Variants in KIF16B observed in about 807,000 individuals in gnomAD.
KIF16B encodes the protein kinesin-like protein KIF16B.
Under a neutral mutation model 156.3 loss-of-function variants are expected in KIF16B, and 98 were observed. That is an observed-to-expected ratio of 0.63 (90% CI 0.53 to 0.74). The LOEUF (loss-of-function observed/expected upper bound fraction) is 0.74. Ranked by LOEUF, KIF16B falls within the 30% of genes least tolerant of loss-of-function variation. The pLI, the probability that KIF16B is intolerant of heterozygous loss-of-function variation, is 0.00. For missense variants in KIF16B, 1,421 were observed against 1,606.5 expected, an observed-to-expected ratio of 0.88 and a Z score of 1.97; for synonymous variants, 564 against 583.7, an observed-to-expected ratio of 0.97 and a Z score of 0.49.
chr20:16,507,835 ATGACAGTCAGTCAC>A, intron 7 of KIF16B, 109 bp downstream of exon 7: 1 of 999,118 alleles, frequency 1.0e-6, no homozygotes, highest in Non-Finnish European at 1.5e-6. Context: ...TAACAAGAAA[ATGACAGTCAGTCAC>A]CTTTACCTGC....
At chr20:16,557,201 G>T (rs529431734) in intron 1 of KIF16B, among the ~76,000 whole-genome samples, 26 of 150,794 alleles carry the variant, frequency 1.7e-4, no homozygotes, top group African/African-American at 6.3e-4. Flanking sequence ...TGTTTTTTGA[G>T]ATGGAGTCTC....
Position 16,497,554 on chromosome 20 carries a change from T to A in KIF16B, c.1242+59A>T. 3 of 1,326,956 alleles carry A rather than the reference T, an allele frequency of 2.3e-6. No homozygotes were observed. In the South Asian group the frequency reaches 3.6e-5, roughly 16 times the overall value. The allele number at this position is 1,326,956 out of a possible 1,614,324, so 82.2% of individuals were successfully genotyped here. ...TCAAACGGCAAGTCCTAAAAAAGCA[T>A]GCACTTAAAATAATAGTAAAAGTTA... On this transcript the variant is annotated intron_variant, in intron 11 of 25. Coordinates refer to ENST00000354981, the MANE Select transcript of KIF16B (RefSeq NM_024704.5).
At chr20:16,331,995 A>G (rs1437134151) in intron 24 of KIF16B, among the ~76,000 whole-genome samples, 2 of 152,248 alleles carry the variant, frequency 1.3e-5, no homozygotes, top group East Asian at 1.9e-4. Context: ...AGAACTTTAC[A>G]GGAAAAGAGA....
intron 17 of KIF16B, among the ~76,000 whole-genome samples, chr20:16,387,803 G>A (rs913074728): frequency 3.9e-5 from 6 of 152,182 alleles, no homozygotes; most frequent in African/African-American, 1.4e-4. Flanking sequence ...GAGGATCTAA[G>A]AGTCTCTGGA....
intron 12 of KIF16B, among the ~76,000 whole-genome samples, chr20:16,446,346 G>A (rs530448326): frequency 3.9e-5 from 6 of 152,282 alleles, no homozygotes; most frequent in South Asian, 4.2e-4. Flanking sequence ...ACACCAGATC[G>A]GGGTTAGTTT....
At chr20:16,366,533 A>G (rs183861825) in intron 22 of KIF16B, among the ~76,000 whole-genome samples, 1 of 152,300 alleles carries the variant, frequency 6.6e-6, no homozygotes, top group Non-Finnish European at 1.5e-5. Context: ...GGAATCATCA[A>G]GAAGTATGAA....
chr20:16,501,047 G>A (rs2146975812), intron 10 of KIF16B, among the ~76,000 whole-genome samples: 1 of 152,136 alleles, frequency 6.6e-6, no homozygotes, highest in South Asian at 2.1e-4. Context: ...TATAATAAAA[G>A]AGAATAAAAC....
intron 12 of KIF16B, among the ~76,000 whole-genome samples, chr20:16,475,624 C>T (rs2067788789): frequency 6.6e-6 from 1 of 152,126 alleles, no homozygotes; most frequent in Admixed American, 6.5e-5. Flanking sequence ...CGAAGGATGA[C>T]AGAAATAATT....
intron 12 of KIF16B, among the ~76,000 whole-genome samples, chr20:16,465,166 A>T (rs2067455569): frequency 6.6e-6 from 1 of 152,230 alleles, no homozygotes; most frequent in South Asian, 2.1e-4. Context: ...TCCTAGAAGA[A>T]AGAGAGGCTT....
At chr20:16,363,468 C>T (rs2064591970) in intron 22 of KIF16B, among the ~76,000 whole-genome samples, 1 of 152,176 alleles carries the variant, frequency 6.6e-6, no homozygotes, top group Admixed American at 6.5e-5. Flanking sequence ...ATAATACATC[C>T]ATGGAAAATT....
rs75072471 is a variant in KIF16B, at chr20:16,491,998, C to T, written c.1302+2293G>A. Among the ~76,000 whole-genome samples the T allele has an allele frequency of 5.1e-3, 776 of 152,290 alleles. 7 individuals are homozygous for T. Among genetic ancestry groups the T allele is most frequent in the African/African-American group, 0.015 (633 of 41,550 alleles). On this transcript the variant is annotated intron_variant, in intron 12 of 25. Coordinates refer to ENST00000354981, the MANE Select transcript of KIF16B (RefSeq NM_024704.5). ...GACTTCAATGGACCTTCTCCCCACC[C>T]ACTGACTTCAGCCTCCTGCCCACCA...
In KIF16B at chr20:16,356,278, C is replaced by T. The variant is rs376955077; in HGVS notation, c.3621+52G>A. 845 of 1,607,860 alleles carry T rather than the reference C, an allele frequency of 5.3e-4. 1 individual carries two copies. The highest frequency in any genetic ancestry group is 1.4e-3 in the Admixed American group (85 of 59,800). Reference sequence around the variant, plus strand: ...TTTGAAAAAATAAAGACAGATAAAGCACTGCATAGTCTCCAACCTCCATTC... The same window carrying T: ...TTTGAAAAAATAAAGACAGATAAAGTACTGCATAGTCTCCAACCTCCATTC... On this transcript the variant is annotated intron_variant, in intron 23 of 25. Coordinates refer to ENST00000354981, the MANE Select transcript of KIF16B (RefSeq NM_024704.5).
At chr20:16,497,485 C>A in intron 11 of KIF16B, 128 bp downstream of exon 11, 1 of 695,232 alleles carries the variant, frequency 1.4e-6, no homozygotes, top group African/African-American at 1.8e-5. Context: ...AAATGATCAC[C>A]AACGAGGGAG....
intron 15 of KIF16B, among the ~76,000 whole-genome samples, chr20:16,417,873 G>A (rs1429868110): frequency 6.6e-6 from 1 of 151,962 alleles, no homozygotes; most frequent in Non-Finnish European, 1.5e-5. Flanking sequence ...GGTAAACAGA[G>A]CCTCAAGGAA....
intron 1 of KIF16B, among the ~76,000 whole-genome samples, chr20:16,544,394 G>C (rs2070320750): frequency 6.6e-6 from 1 of 152,100 alleles, no homozygotes; most frequent in South Asian, 2.1e-4. Context: ...TGAATGATTG[G>C]AGGTCAAGAA....
intron 10 of KIF16B, among the ~76,000 whole-genome samples, chr20:16,498,618 T>C (rs1370494445): frequency 6.6e-6 from 1 of 152,150 alleles, no homozygotes; most frequent in African/African-American, 2.4e-5. Flanking sequence ...ACAATTCCAA[T>C]TTAATTATAC....
intron 1 of KIF16B, among the ~76,000 whole-genome samples, chr20:16,571,075 C>T (rs1213585426): frequency 2.0e-5 from 3 of 152,150 alleles, no homozygotes; most frequent in Admixed American, 2.0e-4. Flanking sequence ...TGTGCTTGTA[C>T]TTGACACTTA....
intron 1 of KIF16B, among the ~76,000 whole-genome samples, chr20:16,555,781 T>A (rs558356958): frequency 6.6e-6 from 1 of 152,196 alleles, no homozygotes; most frequent in African/African-American, 2.4e-5. Context: ...ACCACAAAAT[T>A]TTCTCATTCT....
chr20:16,349,840 T>C (rs1401183794), intron 23 of KIF16B, among the ~76,000 whole-genome samples: 3 of 152,152 alleles, frequency 2.0e-5, no homozygotes, highest in Non-Finnish European at 4.4e-5. Flanking sequence ...GCAGATGAGA[T>C]CTCTTGGCCC....
Sources: gnomAD v4.1 joint callset for allele counts (sites outside exome capture counted in the v4.1 genomes callset) on GRCh38, gnomAD v4.1.1 for gene constraint, MANE v1.5 for transcripts, NCBI Gene and HGNC (gene_info 2026-07-23, HGNC 2026-07-21) for gene names.